The following AKR1C8 variants were observed in gnomAD, a reference collection of about 807,000 sequenced individuals.
The protein encoded by AKR1C8 is aldo-keto reductase family 1 member C-like protein 1.
At chr10:5,150,631 T>C in the AKR1C8 span, among the ~76,000 whole-genome samples, 2 of 152,144 alleles carry the variant, frequency 1.3e-5, no homozygotes, top group African/African-American at 4.8e-5. Flanking sequence ...ACTTGAACTT[T>C]TGATTTTTGG....
At chr10:5,124,307 G>A in the AKR1C8 span, among the ~76,000 whole-genome samples, 14 of 152,184 alleles carry the variant, frequency 9.2e-5, no homozygotes, top group African/African-American at 3.4e-4. Flanking sequence ...ACAATTCATG[G>A]GTTCATAGTC....
chr10:5,116,192 T>C, the AKR1C8 span, among the ~76,000 whole-genome samples: 1 of 152,148 alleles, frequency 6.6e-6, no homozygotes, highest in Non-Finnish European at 1.5e-5. Context: ...TTCATCTTGA[T>C]AGCCCGGGTC....
the AKR1C8 span, chr10:5,158,599 C>A: frequency 2.1e-6 from 1 of 473,464 alleles, no homozygotes; most frequent in Non-Finnish European, 4.4e-6. Context: ...ATTCTTATTA[C>A]CACTGTGGGT....
chr10:5,159,824 A>C, the AKR1C8 span: 2 of 476,352 alleles, frequency 4.2e-6, no homozygotes, highest in Non-Finnish European at 8.7e-6. Flanking sequence ...GACATGATTA[A>C]GCAGGAAGTG....
the AKR1C8 span, among the ~76,000 whole-genome samples, chr10:5,141,688 G>A: frequency 1.3e-5 from 2 of 152,132 alleles, no homozygotes; most frequent in Non-Finnish European, 2.9e-5. Context: ...TTAACCAGGT[G>A]TATTGCCATT....
At chr10:5,157,306 C>T in the AKR1C8 span, among the ~76,000 whole-genome samples, 3 of 152,050 alleles carry the variant, frequency 2.0e-5, no homozygotes, top group South Asian at 4.1e-4. Context: ...TACAAATAGG[C>T]ATTTATAGGT....
the AKR1C8 span, among the ~76,000 whole-genome samples, chr10:5,177,519 T>C: frequency 3.3e-5 from 5 of 152,216 alleles, no homozygotes; most frequent in East Asian, 9.6e-4. Flanking sequence ...GGCTTCCTTC[T>C]TTTTCTATTG....
chr10:5,144,374 T>C, the AKR1C8 span, among the ~76,000 whole-genome samples: 2 of 152,154 alleles, frequency 1.3e-5, no homozygotes, highest in African/African-American at 4.8e-5. Context: ...TTTGGTTCCA[T>C]ATGAACTTTA....
At chr10:5,151,102 G>C in the AKR1C8 span, among the ~76,000 whole-genome samples, 1 of 152,224 alleles carries the variant, frequency 6.6e-6, no homozygotes, top group South Asian at 2.1e-4. Context: ...GTCAGTTCAT[G>C]GGTGGGGGGC....
chr10:5,183,417 T>G, the AKR1C8 span, among the ~76,000 whole-genome samples: 1 of 152,162 alleles, frequency 6.6e-6, no homozygotes, highest in Non-Finnish European at 1.5e-5. Flanking sequence ...CTCAGAATTT[T>G]TAAACTATCC....
chr10:5,134,724 C>T, the AKR1C8 span, among the ~76,000 whole-genome samples: 1 of 152,158 alleles, frequency 6.6e-6, no homozygotes, highest in Non-Finnish European at 1.5e-5. Context: ...TCTCCAGACA[C>T]TGTTACCACA....
At chr10:5,141,318 A>G in the AKR1C8 span, among the ~76,000 whole-genome samples, 3 of 152,120 alleles carry the variant, frequency 2.0e-5, no homozygotes, top group African/African-American at 7.2e-5. Context: ...TGCTATTTCC[A>G]TTACATCTGC....
the AKR1C8 span, among the ~76,000 whole-genome samples, chr10:5,125,361 C>T: frequency 2.0e-5 from 3 of 152,044 alleles, no homozygotes; most frequent in East Asian, 5.8e-4. Flanking sequence ...TATCTTCATT[C>T]CTATGCTAGC....
chr10:5,125,724 T>C, the AKR1C8 span, among the ~76,000 whole-genome samples: 1 of 152,196 alleles, frequency 6.6e-6, no homozygotes, highest in Non-Finnish European at 1.5e-5. Context: ...AATGGCTATC[T>C]GTAACCAAGG....
chr10:5,174,309 TAA>T, the AKR1C8 span, among the ~76,000 whole-genome samples: 36 of 150,060 alleles, frequency 2.4e-4, no homozygotes, highest in South Asian at 2.9e-3. Context: ...TTAATTAACC[TAA>T]AAAAAAAACC....
At chr10:5,128,592 G>T in the AKR1C8 span, among the ~76,000 whole-genome samples, 1 of 151,994 alleles carries the variant, frequency 6.6e-6, no homozygotes, top group African/African-American at 2.4e-5. Context: ...GGTGGGAAAA[G>T]AGATTCCATG....
the AKR1C8 span, chr10:5,185,046 G>A: frequency 1.9e-6 from 1 of 534,596 alleles, no homozygotes; most frequent in African/African-American, 1.9e-5. Flanking sequence ...TCCCAGCACT[G>A]GCATGAAGGG....
chr10:5,134,786 A>G, the AKR1C8 span, among the ~76,000 whole-genome samples: 1 of 152,238 alleles, frequency 6.6e-6, no homozygotes, highest in Non-Finnish European at 1.5e-5. Context: ...TTCTTCAATT[A>G]TAGAAAGAAA....
chr10:5,176,013 T>A, the AKR1C8 span, among the ~76,000 whole-genome samples: 43 of 152,158 alleles, frequency 2.8e-4, no homozygotes, highest in South Asian at 8.7e-3. Flanking sequence ...TGTCTTTTGT[T>A]GCCATTGCTT....
Sources: allele counts gnomAD v4.1 joint callset (sites outside exome capture counted in the v4.1 genomes callset), GRCh38; gene constraint gnomAD v4.1.1; transcripts MANE v1.5; gene names NCBI Gene and HGNC (gene_info 2026-07-23, HGNC 2026-07-21).